Variants in MAF observed in about 807,000 individuals in gnomAD.
The protein encoded by MAF is transcription factor Maf.
Under a neutral mutation model 22.0 loss-of-function variants are expected in MAF, and 10 were observed. That is an observed-to-expected ratio of 0.45 (90% CI 0.28 to 0.77). MAF has a LOEUF of 0.77. Among genes scored for constraint, MAF ranks in the 30% least tolerant of loss-of-function variants. The probability of loss-of-function intolerance (pLI) is 0.12; values close to 1 mark genes in which losing one functional copy is unlikely to be tolerated. For missense variants in MAF, 544 were observed against 548.4 expected (o/e 0.99, Z 0.08); for synonymous variants, 337 against 255.8 (o/e 1.32, Z -3.03).
chr16:79,215,838 G>A, the MAF span, among the ~76,000 whole-genome samples: 8 of 152,206 alleles, frequency 5.3e-5, no homozygotes, highest in Middle Eastern at 3.4e-3. Context: ...AAAGCACAAC[G>A]TCCTACTCCA....
At position 79,595,037 on chromosome 16, in the gene MAF, A is replaced by T. The variant is rs375735724; in HGVS notation, c.1119-484T>A. 1.3e-5 allele frequency: 14 copies of T among 1,056,148 alleles called. No individual in the cohort carries two copies. In the South Asian group the frequency reaches 2.7e-4, roughly 20 times the overall value. The allele number at this position is 1,056,148 out of a possible 1,614,324, so 65.4% of individuals were successfully genotyped here. On this transcript the variant is annotated intron_variant, in intron 1 of 1. Transcript: ENST00000326043. Reference sequence around the variant, plus strand: ...ACTCTTATTTTGAGAATGTTTGCCTAAAATCTTTCATCAGATGCTTTTTTG... The same window carrying T: ...ACTCTTATTTTGAGAATGTTTGCCTTAAATCTTTCATCAGATGCTTTTTTG...
chr16:79,228,174 G>C, the MAF span, among the ~76,000 whole-genome samples: 2 of 152,062 alleles, frequency 1.3e-5, no homozygotes, highest in Non-Finnish European at 1.5e-5. Context: ...AAGGGAGGTT[G>C]GGATTATAGG....
At chr16:79,566,452 G>C in the MAF span, among the ~76,000 whole-genome samples, 35 of 152,332 alleles carry the variant, frequency 2.3e-4, no homozygotes, top group South Asian at 2.7e-3. Flanking sequence ...TGAGCTGACG[G>C]AGTGATGGTG....
the MAF span, among the ~76,000 whole-genome samples, chr16:79,276,573 G>C: frequency 1.3e-5 from 2 of 152,160 alleles, no homozygotes; most frequent in Non-Finnish European, 2.9e-5. Context: ...GATGGGTATT[G>C]CAAGTGAAGG....
the MAF span, among the ~76,000 whole-genome samples, chr16:79,452,926 G>C: frequency 2.0e-5 from 3 of 152,198 alleles, no homozygotes; most frequent in African/African-American, 7.2e-5. Context: ...CGAGCTGCCT[G>C]TTATATGAGC....
At chr16:79,205,546 C>G in the MAF span, 7 of 152,226 alleles carry the variant, frequency 4.6e-5, no homozygotes, top group Non-Finnish European at 8.8e-5. Context: ...TCTCACACTT[C>G]TAAAGCCTGA....
the MAF span, among the ~76,000 whole-genome samples, chr16:79,491,069 A>C: frequency 6.6e-6 from 1 of 152,206 alleles, no homozygotes; most frequent in African/African-American, 2.4e-5. Flanking sequence ...TGAATTCCGA[A>C]AGGATAGAAC....
chr16:79,299,374 A>G, the MAF span, among the ~76,000 whole-genome samples: 3 of 151,756 alleles, frequency 2.0e-5, no homozygotes, highest in Non-Finnish European at 4.4e-5. Context: ...AAAAAAAACA[A>G]CCTTCCACTG....
At chr16:79,488,984 C>T in the MAF span, among the ~76,000 whole-genome samples, 1 of 152,152 alleles carries the variant, frequency 6.6e-6, no homozygotes, top group Non-Finnish European at 1.5e-5. Context: ...GAACATAGTG[C>T]CATGAAGCCA....
At chr16:79,235,453 A>C in the MAF span, among the ~76,000 whole-genome samples, 1 of 152,004 alleles carries the variant, frequency 6.6e-6, no homozygotes, top group African/African-American at 2.4e-5. Flanking sequence ...TCCCAGCTAC[A>C]CTGGAGGGAG....
the MAF span, among the ~76,000 whole-genome samples, chr16:79,394,021 C>T: frequency 1.2e-4 from 19 of 152,306 alleles, 1 homozygote; most frequent in Middle Eastern, 3.4e-3. Context: ...GCAAAGCACC[C>T]TATTTCACAG....
the MAF span, among the ~76,000 whole-genome samples, chr16:79,391,288 G>A: frequency 6.6e-6 from 1 of 152,118 alleles, no homozygotes; most frequent in African/African-American, 2.4e-5. Flanking sequence ...AAGAAGCTAT[G>A]GAGATTATTT....
chr16:79,384,726 C>G, the MAF span, among the ~76,000 whole-genome samples: 1 of 152,048 alleles, frequency 6.6e-6, no homozygotes, highest in East Asian at 1.9e-4. Context: ...CACTGCACTC[C>G]AGCCTGGGCA....
At chr16:79,541,176 C>T in the MAF span, among the ~76,000 whole-genome samples, 3 of 152,148 alleles carry the variant, frequency 2.0e-5, no homozygotes, top group Non-Finnish European at 4.4e-5. Context: ...TTACTTTTAC[C>T]ATTACTGTTA....
At chr16:79,596,045 A>T (rs1913502572) in intron 1 of MAF, 1 of 1,061,812 alleles carries the variant, frequency 9.4e-7, no homozygotes, top group African/African-American at 1.6e-5. Context: ...AACTTTAGTG[A>T]AAAGGCAAGC....
At chr16:79,426,210 G>GAAA in the MAF span, among the ~76,000 whole-genome samples, 58,279 of 146,754 alleles carry the variant, frequency 0.4, 12,430 homozygotes, top group East Asian at 0.77. Context: ...CATCTCAAAA[G>GAAA]AAAAAAAAAA....
chr16:79,210,984 G>A, the MAF span, among the ~76,000 whole-genome samples: 1 of 151,466 alleles, frequency 6.6e-6, no homozygotes, highest in Non-Finnish European at 1.5e-5. Flanking sequence ...ATGGGATCTG[G>A]ATGAATTAAT....
At chr16:79,412,867 T>C in the MAF span, among the ~76,000 whole-genome samples, 1 of 152,214 alleles carries the variant, frequency 6.6e-6, no homozygotes, top group Non-Finnish European at 1.5e-5. Flanking sequence ...GATCCATCAG[T>C]GCTTGTCCTG....
At chr16:79,355,444 C>A in the MAF span, among the ~76,000 whole-genome samples, 1 of 152,144 alleles carries the variant, frequency 6.6e-6, no homozygotes, top group African/African-American at 2.4e-5. Context: ...GCTCTGAGGT[C>A]CTCCCATGGC....
Sources: gnomAD v4.1 joint callset for allele counts (sites outside exome capture counted in the v4.1 genomes callset) on GRCh38, gnomAD v4.1.1 for gene constraint, MANE v1.5 for transcripts, NCBI Gene and HGNC (gene_info 2026-07-23, HGNC 2026-07-21) for gene names.